Variants in HCN1 observed in about 807,000 individuals in gnomAD.
HCN1 encodes potassium/sodium hyperpolarization-activated cyclic nucleotide-gated channel 1.
Under a neutral mutation model 78.9 loss-of-function variants are expected in HCN1, and 13 were observed. The observed-to-expected ratio is 0.16, with a 90% CI of 0.11 to 0.26. HCN1 has a LOEUF of 0.26. HCN1 is among the 10% of genes least tolerant of loss of function. The pLI is 1.00. For missense variants in HCN1, 810 were observed against 1,154.3 expected (o/e 0.70, Z 4.32); for synonymous variants, 552 against 455.5 (o/e 1.21, Z -2.70).
At chr5:45,267,572 A>G (rs1480450987) in intron 6 of HCN1, among the ~76,000 whole-genome samples, 1 of 152,072 alleles carries the variant, frequency 6.6e-6, no homozygotes, top group Non-Finnish European at 1.5e-5. Flanking sequence ...GATCGAGACC[A>G]TCCTGGCTAA....
intron 7 of HCN1, among the ~76,000 whole-genome samples, chr5:45,265,370 A>G (rs188930031): frequency 1.8e-3 from 267 of 152,280 alleles, no homozygotes; most frequent in African/African-American, 6.1e-3. Context: ...CTCACACACT[A>G]CAAAGAGGGA....
At chr5:45,494,995 T>A (rs1365678948) in intron 2 of HCN1, among the ~76,000 whole-genome samples, 2 of 145,270 alleles carry the variant, frequency 1.4e-5, no homozygotes, top group South Asian at 4.7e-4. Context: ...CTGTTTTGGT[T>A]ACTGTAGCCT....
At chr5:45,600,962 C>T (rs559582282) in intron 2 of HCN1, among the ~76,000 whole-genome samples, 2 of 152,230 alleles carry the variant, frequency 1.3e-5, no homozygotes, top group Non-Finnish European at 2.9e-5. Flanking sequence ...AAAAGTGAAG[C>T]TCAATCACTT....
At chr5:45,333,717 T>C (rs1460788375) in intron 5 of HCN1, among the ~76,000 whole-genome samples, 4 of 151,862 alleles carry the variant, frequency 2.6e-5, no homozygotes, top group Non-Finnish European at 5.9e-5. Flanking sequence ...TACCCAGTTT[T>C]TCCAGCACCA....
At chr5:45,589,042 T>C (rs189781877) in intron 2 of HCN1, among the ~76,000 whole-genome samples, 1 of 152,316 alleles carries the variant, frequency 6.6e-6, no homozygotes, top group Admixed American at 6.5e-5. Context: ...ACAGTGGTTC[T>C]GAGAGAGAGC....
chr5:45,300,756 T>A (rs1579791133), intron 6 of HCN1, among the ~76,000 whole-genome samples: 1 of 152,080 alleles, frequency 6.6e-6, no homozygotes, highest in African/African-American at 2.4e-5. Context: ...TCTTATCCCA[T>A]CTAACTTCAA....
intron 5 of HCN1, among the ~76,000 whole-genome samples, chr5:45,341,099 T>C (rs1226600403): frequency 1.3e-5 from 2 of 152,228 alleles, no homozygotes; most frequent in East Asian, 3.9e-4. Context: ...CCTGATACTG[T>C]TTTGTAAAGA....
At chr5:45,328,997 T>C (rs376192260) in intron 5 of HCN1, among the ~76,000 whole-genome samples, 10 of 151,696 alleles carry the variant, frequency 6.6e-5, no homozygotes, top group African/African-American at 2.4e-4. Flanking sequence ...ATGTATTGTA[T>C]GTGAAGCATC....
At chr5:45,375,180 AATGT>A (rs1397915441) in intron 4 of HCN1, among the ~76,000 whole-genome samples, 1 of 121,248 alleles carries the variant, frequency 8.2e-6, no homozygotes, top group African/African-American at 3.2e-5. Context: ...TATAATATAT[AATGT>A]ATTATATATA....
intron 2 of HCN1, among the ~76,000 whole-genome samples, chr5:45,614,680 T>G (rs1440891565): frequency 6.6e-6 from 1 of 152,134 alleles, no homozygotes; most frequent in African/African-American, 2.4e-5. Context: ...CCTCTGCCTA[T>G]TTCCTTAAAT....
intron 2 of HCN1, among the ~76,000 whole-genome samples, chr5:45,597,233 C>G (rs1166956592): frequency 6.6e-6 from 1 of 152,192 alleles, no homozygotes; most frequent in Non-Finnish European, 1.5e-5. Context: ...ATCAAGTCAA[C>G]TTCATCCCTG....
chr5:45,512,690 A>C (rs1467541304), intron 2 of HCN1, among the ~76,000 whole-genome samples: 1 of 152,110 alleles, frequency 6.6e-6, no homozygotes. Flanking sequence ...ATTCCACAGT[A>C]GCCACGGTTA....
At chr5:45,626,211 T>C (rs1311961472) in intron 2 of HCN1, among the ~76,000 whole-genome samples, 3 of 152,228 alleles carry the variant, frequency 2.0e-5, no homozygotes. Flanking sequence ...ATTTTATAAT[T>C]GTGAAAGACT....
rs911911195 is a variant in HCN1 at position 45,310,325 on chromosome 5, A to G, written c.1378-6486T>C. Among the ~76,000 whole-genome samples, 9 of 152,026 alleles carry G rather than the reference A, an allele frequency of 5.9e-5. No individual in the cohort carries two copies. In the South Asian group the frequency reaches 1.9e-3, roughly 32 times the overall value. ...CTTAAACAAATTTACAAAAAAAAAT[A>G]CAAACAACCCCATTAAAAAGTGGGC... On this transcript the variant is annotated intron_variant, in intron 5 of 7. Transcript: ENST00000303230.
intron 5 of HCN1, among the ~76,000 whole-genome samples, chr5:45,350,464 C>G (rs969573917): frequency 1.3e-5 from 2 of 152,038 alleles, no homozygotes; most frequent in Admixed American, 6.6e-5. Context: ...AAAACTGCCA[C>G]AAGACAGGGA....
At position 45,536,796 on chromosome 5, in the gene HCN1, T is replaced by G. The variant is rs187811441; in HGVS notation, c.850-74789A>C. Among the ~76,000 whole-genome samples the G allele has an allele frequency of 1.7e-3, 257 of 152,288 alleles. 2 individuals carry two copies. Among genetic ancestry groups the G allele is most frequent in the Non-Finnish European group, 2.7e-3 (182 of 68,012 alleles). On this transcript the variant is annotated intron_variant, in intron 2 of 7. Coordinates refer to ENST00000303230, the MANE Select transcript of HCN1 (RefSeq NM_021072.4). ...AAGAAAATCTGGATTTTGTTATAAT[T>G]CTCTGAAAATACATTTTATTTCAAG...
At chr5:45,610,694 T>C (rs952991987) in intron 2 of HCN1, among the ~76,000 whole-genome samples, 2 of 151,304 alleles carry the variant, frequency 1.3e-5, no homozygotes, top group Non-Finnish European at 2.9e-5. Flanking sequence ...TATCCCATAA[T>C]TAGCTTAACA....
At chr5:45,467,222 A>AACT (rs2111640461) in intron 2 of HCN1, among the ~76,000 whole-genome samples, 1 of 152,148 alleles carries the variant, frequency 6.6e-6, no homozygotes, top group East Asian at 1.9e-4. Context: ...CCAAAGACGC[A>AACT]ACTTCTCTGG....
chr5:45,354,760 A>T (rs1285916628), intron 4 of HCN1, among the ~76,000 whole-genome samples: 1 of 152,010 alleles, frequency 6.6e-6, no homozygotes, highest in South Asian at 2.1e-4. Context: ...GCCTATGTAC[A>T]TCTCTCTGAA....
Sources: gnomAD v4.1 joint callset for allele counts (sites outside exome capture counted in the v4.1 genomes callset) on GRCh38, gnomAD v4.1.1 for gene constraint, MANE v1.5 for transcripts, NCBI Gene and HGNC (gene_info 2026-07-23, HGNC 2026-07-21) for gene names.